Variants in CTNNA2 observed in about 807,000 individuals in gnomAD.
The protein encoded by CTNNA2 is catenin alpha-2.
In CTNNA2, 42 loss-of-function variants were observed where a neutral mutation model predicts 101.0. The ratio of observed to expected loss-of-function variants is 0.42; its 90% CI spans 0.32 to 0.54. The LOEUF (loss-of-function observed/expected upper bound fraction) is 0.54, where lower values mean the gene tolerates loss of function less well. Among genes scored for constraint, CTNNA2 ranks in the 20% least tolerant of loss-of-function variants. CTNNA2 has a pLI of 0.14. For missense variants in CTNNA2, 871 were observed against 1,223.1 expected (o/e 0.71, Z 4.29); for synonymous variants, 450 against 456.4 (o/e 0.99, Z 0.18).
At chr2:80,204,407 G>T in intron 7 of CTNNA2, among the ~76,000 whole-genome samples, 1 of 152,096 alleles carries the variant, frequency 6.6e-6, no homozygotes, top group South Asian at 2.1e-4. Flanking sequence ...AATTTCTTCT[G>T]CCAGATACCC....
At chr2:79,334,883 G>A (rs1676959488) in intron 3 of CTNNA2, among the ~76,000 whole-genome samples, 4 of 152,094 alleles carry the variant, frequency 2.6e-5, no homozygotes, top group Admixed American at 2.6e-4. Flanking sequence ...ATCCTTGTTG[G>A]TTGATTAAAT....
At chr2:80,278,290 G>C (rs937285024) in intron 7 of CTNNA2, among the ~76,000 whole-genome samples, 11 of 152,052 alleles carry the variant, frequency 7.2e-5, no homozygotes, top group Non-Finnish European at 1.6e-4. Context: ...ATAACAAAAA[G>C]CTCCCAGATT....
At chr2:79,417,763 G>T (rs570983651) in intron 4 of CTNNA2, among the ~76,000 whole-genome samples, 1 of 151,926 alleles carries the variant, frequency 6.6e-6, no homozygotes, top group Non-Finnish European at 1.5e-5. Context: ...GGTGCCTTGC[G>T]GTTAGGAACT....
intron 3 of CTNNA2, among the ~76,000 whole-genome samples, chr2:79,845,069 A>G (rs556416761): frequency 3.9e-4 from 58 of 149,476 alleles, no homozygotes; most frequent in African/African-American, 1.1e-3. Flanking sequence ...GTGTGTGTGT[A>G]TATATATATG....
At chr2:79,981,933 C>T (rs1691301881) in intron 7 of CTNNA2, among the ~76,000 whole-genome samples, 1 of 151,756 alleles carries the variant, frequency 6.6e-6, no homozygotes. Flanking sequence ...GTTTCAGTTT[C>T]CTCATTAGGA....
At chr2:79,690,142 C>T (rs1432740168) in intron 2 of CTNNA2, among the ~76,000 whole-genome samples, 1 of 151,728 alleles carries the variant, frequency 6.6e-6, no homozygotes. Context: ...GTACTTATTT[C>T]ATATTAAAAT....
chr2:79,875,792 C>A (rs1682977265), intron 6 of CTNNA2, among the ~76,000 whole-genome samples: 2 of 151,830 alleles, frequency 1.3e-5, no homozygotes. Flanking sequence ...GAAATGAAGA[C>A]TTAATAATAG....
At chr2:80,129,403 G>A (rs920390097) in intron 7 of CTNNA2, among the ~76,000 whole-genome samples, 2 of 152,146 alleles carry the variant, frequency 1.3e-5, no homozygotes, top group Non-Finnish European at 2.9e-5. Flanking sequence ...TTCACAGCAG[G>A]TTGTCTTGCA....
At chr2:80,527,670 GGA>G (rs1399305259) in intron 9 of CTNNA2, among the ~76,000 whole-genome samples, 2 of 152,124 alleles carry the variant, frequency 1.3e-5, no homozygotes, top group Non-Finnish European at 2.9e-5. Context: ...GGAGTCATTG[GGA>G]GAGAGAGGAC....
At chr2:80,485,659 T>C (rs1472190776) in intron 9 of CTNNA2, among the ~76,000 whole-genome samples, 1 of 152,198 alleles carries the variant, frequency 6.6e-6, no homozygotes, top group African/African-American at 2.4e-5. Context: ...TATTTTTTAT[T>C]AAAAAATTGA....
intron 1 of CTNNA2, among the ~76,000 whole-genome samples, chr2:79,647,474 C>T (rs1049456486): frequency 1.3e-4 from 20 of 152,170 alleles, no homozygotes; most frequent in Admixed American, 1.2e-3. Flanking sequence ...GGCAATTGAA[C>T]AGTATCACAG....
intron 7 of CTNNA2, among the ~76,000 whole-genome samples, chr2:80,269,584 A>G (rs796785841): frequency 1.3e-5 from 2 of 150,516 alleles, no homozygotes; most frequent in African/African-American, 4.9e-5. Flanking sequence ...TATCATTCAG[A>G]AAAAAAAATG....
intron 9 of CTNNA2, among the ~76,000 whole-genome samples, chr2:80,538,038 G>C (rs1691199469): frequency 6.6e-6 from 1 of 152,152 alleles, no homozygotes; most frequent in African/African-American, 2.4e-5. Context: ...CTTTTGAGAA[G>C]TCTCTGTTCA....
chr2:79,477,982 C>T (rs570689670), intron 4 of CTNNA2, among the ~76,000 whole-genome samples: 1 of 152,310 alleles, frequency 6.6e-6, no homozygotes, highest in East Asian at 1.9e-4. Flanking sequence ...AATTTCAAGA[C>T]ACAAATCATA....
intron 7 of CTNNA2, among the ~76,000 whole-genome samples, chr2:80,103,659 G>T (rs1700691984): frequency 6.6e-6 from 1 of 151,270 alleles, no homozygotes; most frequent in African/African-American, 2.4e-5. Context: ...CATGGTGTGT[G>T]CACACACCTG....
rs771110259 is a variant in CTNNA2, at chr2:79,579,106, CT to C, written c.-6+65905del. ...CTTTCTTTCCTTCCTCCCTTTATTCCTTTTTTCCTTTTTTCTTTCCTTGTCT... is the reference window on the plus strand; with the variant it reads ...CTTTCTTTCCTTCCTCCCTTTATTCCTTTTTCCTTTTTTCTTTCCTTGTCT... On this transcript the variant is annotated intron_variant, in intron 1 of 18. Transcript: ENST00000402739. Among the ~76,000 whole-genome samples, 9 of 146,666 alleles carry C rather than the reference CT, an allele frequency of 6.1e-5. No homozygotes were observed. In the East Asian group the frequency reaches 8.0e-4, roughly 13 times the overall value.
intron 2 of CTNNA2, among the ~76,000 whole-genome samples, chr2:79,253,601 G>A (rs750186414): frequency 4.6e-5 from 7 of 152,080 alleles, no homozygotes; most frequent in Non-Finnish European, 8.8e-5. Flanking sequence ...CCTGATAATG[G>A]ACATTGGTTG....
At chr2:80,015,370 A>G (rs148591296) in intron 7 of CTNNA2, among the ~76,000 whole-genome samples, 12 of 152,296 alleles carry the variant, frequency 7.9e-5, no homozygotes, top group African/African-American at 2.2e-4. Flanking sequence ...AGATATGACA[A>G]TAAGCAGGGC....
At chr2:79,818,248 G>A (rs532583350) in intron 3 of CTNNA2, among the ~76,000 whole-genome samples, 12 of 152,190 alleles carry the variant, frequency 7.9e-5, no homozygotes, top group African/African-American at 2.2e-4. Context: ...CAAAGATAGT[G>A]CATAAATATT....
Sources: allele counts gnomAD v4.1 joint callset (sites outside exome capture counted in the v4.1 genomes callset), GRCh38; gene constraint gnomAD v4.1.1; transcripts MANE v1.5; gene names NCBI Gene and HGNC (gene_info 2026-07-23, HGNC 2026-07-21).